SMARCAL1: variants seen among roughly 807,000 people sequenced by gnomAD.
The protein encoded by SMARCAL1 is SNF2 related chromatin remodeling annealing helicase 1.
SMARCAL1 carries 58 observed loss-of-function variants against 94.5 expected under a neutral mutation model. The ratio of observed to expected loss-of-function variants is 0.61; its 90% CI spans 0.50 to 0.76. SMARCAL1 has a LOEUF of 0.76. Among genes scored for constraint, SMARCAL1 ranks in the 30% least tolerant of loss-of-function variants. The pLI, the probability that SMARCAL1 is intolerant of heterozygous loss-of-function variation, is 0.00. For missense variants in SMARCAL1, 1,051 were observed against 1,177.9 expected (o/e 0.89, Z 1.58); for synonymous variants, 422 against 455.1 (o/e 0.93, Z 0.93).
intron 13 of SMARCAL1, 68 bp from the exon 14 acceptor site, chr2:216,467,876 C>A: frequency 1.0e-6 from 1 of 961,396 alleles, no homozygotes; most frequent in Non-Finnish European, 1.7e-6. Flanking sequence ...GTTTCAGTAA[C>A]ATACCAGAGA....
intron 9 of SMARCAL1, among the ~76,000 whole-genome samples, chr2:216,437,857 C>T (rs139839841): frequency 2.0e-4 from 30 of 152,318 alleles, no homozygotes; most frequent in African/African-American, 7.0e-4. Flanking sequence ...ATGTTCTAAA[C>T]ATAGCAGTTC....
rs2106020852 is a variant in SMARCAL1 at position 216,420,543 on chromosome 2, G to A, written c.1096+11G>A. On this transcript the variant is annotated intron_variant, in intron 5 of 17. Coordinates refer to ENST00000357276, the MANE Select transcript of SMARCAL1 (RefSeq NM_014140.4). Reference sequence around the variant, plus strand: ...ATTCCAGAAGATATGGCAAGTAATTGGTCTTTGTCTGATTCCCAGAATGTG... The same window carrying A: ...ATTCCAGAAGATATGGCAAGTAATTAGTCTTTGTCTGATTCCCAGAATGTG... 6.3e-7 allele frequency: 1 copy of A among 1,599,464 alleles called. No individual in the cohort carries two copies. The highest frequency in any genetic ancestry group is 1.7e-5 in the Admixed American group (1 of 60,000).
At chr2:216,440,510 C>T (rs1278471400) in intron 10 of SMARCAL1, among the ~76,000 whole-genome samples, 1 of 152,188 alleles carries the variant, frequency 6.6e-6, no homozygotes, top group East Asian at 1.9e-4. Flanking sequence ...ATATGTACTA[C>T]TCTGCATTTG....
At chr2:216,449,601 G>A (rs566233900) in intron 11 of SMARCAL1, among the ~76,000 whole-genome samples, 3 of 152,214 alleles carry the variant, frequency 2.0e-5, no homozygotes, top group Admixed American at 6.5e-5. Flanking sequence ...TCTCAATTTA[G>A]CAAAGGTTTA....
In SMARCAL1 at chr2:216,482,397, G is replaced by A. The variant is rs1300984389; in HGVS notation, c.2626-341G>A. 6.6e-6 allele frequency among the ~76,000 whole-genome samples: 1 copy of A among 152,086 alleles called. No individual in the cohort carries two copies. The highest frequency in any genetic ancestry group is 1.9e-4 in the East Asian group (1 of 5,196). On this transcript the variant is annotated intron_variant, in intron 17 of 17. Coordinates refer to ENST00000357276, the MANE Select transcript of SMARCAL1 (RefSeq NM_014140.4). This position sits in a 1 kb window ranked among gnomAD's most constrained non-coding sequence, Gnocchi z 4.3. ...AGGCTTTGGAGGAAGTGAGATCTTG[G>A]GTGCTATTTCAGTATTGAAATAATG... is the stretch of plus-strand genomic sequence containing the variant.
At chr2:216,448,088 C>G (rs938594729) in intron 11 of SMARCAL1, among the ~76,000 whole-genome samples, 2 of 152,136 alleles carry the variant, frequency 1.3e-5, no homozygotes, top group Non-Finnish European at 2.9e-5. Flanking sequence ...TACATTCAAA[C>G]GAAGTACTTA....
At chr2:216,478,518 G>T (rs535323124) in intron 17 of SMARCAL1, among the ~76,000 whole-genome samples, 1 of 152,164 alleles carries the variant, frequency 6.6e-6, no homozygotes, top group African/African-American at 2.4e-5. Flanking sequence ...TGACATTCCC[G>T]CACAGGCTCT....
chr2:216,470,453 C>G (rs1378051360), intron 14 of SMARCAL1, among the ~76,000 whole-genome samples: 1 of 151,716 alleles, frequency 6.6e-6, no homozygotes, highest in Non-Finnish European at 1.5e-5. Flanking sequence ...CCAGGCCCAG[C>G]TGGTTTAATT....
At chr2:216,462,553 AG>A (rs1486809012) in intron 12 of SMARCAL1, among the ~76,000 whole-genome samples, 1 of 152,070 alleles carries the variant, frequency 6.6e-6, no homozygotes, top group Non-Finnish European at 1.5e-5. Flanking sequence ...ACAAAATAGG[AG>A]GGTAGGTGGC....
At chr2:216,479,225 G>A (rs1374696808) in intron 17 of SMARCAL1, 1 of 152,274 alleles carries the variant, frequency 6.6e-6, no homozygotes, top group Non-Finnish European at 1.5e-5. Context: ...GGGCCTTACG[G>A]TAGCTTATCA....
intron 14 of SMARCAL1, 134 bp downstream of exon 14, chr2:216,468,180 G>A: frequency 1.4e-6 from 1 of 692,688 alleles, no homozygotes; most frequent in East Asian, 2.7e-5. Context: ...CTGAAGAAGA[G>A]TTCTTGCTTG....
intron 10 of SMARCAL1, among the ~76,000 whole-genome samples, chr2:216,440,672 A>G (rs1694179703): frequency 6.6e-6 from 1 of 152,184 alleles, no homozygotes; most frequent in South Asian, 2.1e-4. Context: ...GGGATGGAGC[A>G]TTCTGTGCTA....
Position 216,445,902 on chromosome 2 carries a change from G to A in SMARCAL1, c.1711-1116G>A, listed in dbSNP as rs1227774686. 3.9e-5 allele frequency among the ~76,000 whole-genome samples: 6 copies of A among 152,006 alleles called. No homozygotes were observed. The East Asian group carries it at 9.6e-4, about 24-fold the overall frequency. On this transcript the variant is annotated intron_variant, in intron 10 of 17. Coordinates refer to ENST00000357276, the MANE Select transcript of SMARCAL1 (RefSeq NM_014140.4). ...CACCTTTATTTATTTATTTTTATGAGGCAGTGTATCCATCTGTAAACCTAA... is the reference window on the plus strand; with the variant it reads ...CACCTTTATTTATTTATTTTTATGAAGCAGTGTATCCATCTGTAAACCTAA...
intron 12 of SMARCAL1, among the ~76,000 whole-genome samples, chr2:216,457,738 A>G (rs1051690714): frequency 6.6e-6 from 1 of 152,250 alleles, no homozygotes; most frequent in Non-Finnish European, 1.5e-5. Flanking sequence ...GAAAGCAGGA[A>G]AGATCTAAAA....
In SMARCAL1 at chr2:216,437,797, A is replaced by G. The variant is rs564536245; in HGVS notation, c.1645-623A>G. Among the ~76,000 whole-genome samples the G allele has an allele frequency of 1.6e-4, 25 of 152,342 alleles. No individual in the cohort carries two copies. In the South Asian group the frequency reaches 3.7e-3, roughly 23 times the overall value. On this transcript the variant is annotated intron_variant, in intron 9 of 17. Transcript: ENST00000357276. ...AAAGAAAAACAAACTATATATATAT[A>G]TATGTATGTATTTGCTTATGCACAG... is the stretch of plus-strand genomic sequence containing the variant.
At chr2:216,427,301 A>G (rs953564877) in intron 6 of SMARCAL1, 2 of 152,242 alleles carry the variant, frequency 1.3e-5, no homozygotes, top group Admixed American at 1.3e-4. Flanking sequence ...CTGAACTAGC[A>G]GCATAGGATT....
chr2:216,477,164 G>A lies in SMARCAL1; in HGVS notation c.2483G>A (p.Gly828Asp), dbSNP rs867245202. 2 of 1,596,908 alleles carry A rather than the reference G, an allele frequency of 1.3e-6. No individual in the cohort carries two copies. Among genetic ancestry groups the A allele is most frequent in the Admixed American group, 1.7e-5 (1 of 57,608 alleles). ...VHRIGQTSSV[G>D]IHYLVAKGTA... ...CGCATTGGACAGACCAGCTCCGTGG[G>A]CATTCACTACCTCGTGGCAAAGGGC... Residue 828 changes from glycine to aspartate, a missense_variant, in exon 16 of 18, where the codon GGC becomes GAC. Around this residue, in one of 3 missense-constraint regions of SMARCAL1, gnomAD observed 642 missense variants for 754.7 expected, o/e 0.85. Coordinates refer to ENST00000357276, the MANE Select transcript of SMARCAL1 (RefSeq NM_014140.4).
chr2:216,441,301 C>G (rs757760618), intron 10 of SMARCAL1, among the ~76,000 whole-genome samples: 2 of 152,062 alleles, frequency 1.3e-5, no homozygotes, highest in Non-Finnish European at 2.9e-5. Context: ...TGTCACTGTC[C>G]CCTGGGAAAC....
At chr2:216,459,444 G>C (rs1694647611) in intron 12 of SMARCAL1, among the ~76,000 whole-genome samples, 1 of 152,142 alleles carries the variant, frequency 6.6e-6, no homozygotes, top group African/African-American at 2.4e-5. Flanking sequence ...ATACTACAAG[G>C]CTACAGTAAC....
Sources: gnomAD v4.1 joint callset for allele counts (sites outside exome capture counted in the v4.1 genomes callset) on GRCh38, gnomAD v4.1.1 for gene constraint, gnomAD v4.1.1 regional missense constraint, Gnocchi (gnomAD v3.1) non-coding constraint, MANE v1.5 for transcripts, NCBI Gene and HGNC (gene_info 2026-07-23, HGNC 2026-07-21) for gene names.